Variants in ABI3BP observed in about 807,000 individuals in gnomAD.
ABI3BP encodes ABI family member 3 binding protein, also known as target of Nesh-SH3.
ABI3BP carries 216 observed loss-of-function variants against 268.6 expected under a neutral mutation model. The ratio of observed to expected loss-of-function variants is 0.80; its 90% CI spans 0.72 to 0.90. The LOEUF is 0.90. Among genes scored for constraint, ABI3BP ranks in the 40% least tolerant of loss-of-function variants. ABI3BP has a pLI of 0.00. For synonymous variants in ABI3BP, 730 were observed against 730.0 expected (o/e 1.00, Z 0.00); for missense variants, 2,090 against 2,182.4 (o/e 0.96, Z 0.84).
At chr3:100,931,986 T>C (rs1247463070) in intron 1 of ABI3BP, among the ~76,000 whole-genome samples, 10 of 151,960 alleles carry the variant, frequency 6.6e-5, no homozygotes, top group Admixed American at 1.3e-4. Flanking sequence ...CAAAACGGCA[T>C]GGTACTAGTA....
intron 59 of ABI3BP, 115 bp from the exon 60 acceptor site, chr3:100,775,450 G>T: frequency 1.5e-6 from 2 of 1,377,694 alleles, no homozygotes; most frequent in Non-Finnish European, 2.0e-6. Context: ...TGGCACTATA[G>T]ACCAGGCTTG....
At chr3:100,800,988 A>G (rs1311774369) in intron 51 of ABI3BP, among the ~76,000 whole-genome samples, 2 of 152,154 alleles carry the variant, frequency 1.3e-5, no homozygotes, top group Non-Finnish European at 2.9e-5. Flanking sequence ...AGTTATTGAT[A>G]TTATTCCTGT....
intron 14 of ABI3BP, among the ~76,000 whole-genome samples, chr3:100,852,184 G>A (rs1221992244): frequency 1.3e-5 from 2 of 152,122 alleles, no homozygotes; most frequent in East Asian, 1.9e-4. Flanking sequence ...GGCCTCCAGG[G>A]TGATGAGAAC....
At chr3:100,815,696 A>G (rs1383276963) in intron 44 of ABI3BP, among the ~76,000 whole-genome samples, 1 of 152,142 alleles carries the variant, frequency 6.6e-6, no homozygotes, top group Admixed American at 6.6e-5. Flanking sequence ...ATTTAAAGAG[A>G]GTTTCATGCT....
chr3:100,952,723 T>C (rs2075524530), intron 1 of ABI3BP: 1 of 152,076 alleles, frequency 6.6e-6, no homozygotes, highest in Non-Finnish European at 1.5e-5. Flanking sequence ...CGTGAAGTGT[T>C]CCATATTTTC....
At chr3:100,922,664 C>G (rs2060642907) in intron 2 of ABI3BP, among the ~76,000 whole-genome samples, 1 of 151,964 alleles carries the variant, frequency 6.6e-6, no homozygotes, top group African/African-American at 2.4e-5. Flanking sequence ...ATGCAGTAGC[C>G]TCTAAAAGCT....
intron 33 of ABI3BP, 115 bp downstream of exon 33, chr3:100,829,466 C>T (rs1004304895): frequency 2.1e-6 from 2 of 933,764 alleles, no homozygotes; most frequent in Non-Finnish European, 3.2e-6. Context: ...AGCCCTGTTC[C>T]TCATTGCCTA....
rs1020064203 is a variant in ABI3BP, at chr3:100,866,933, G to A, written c.934C>T (p.Pro312Ser). Residue 312 changes from proline (P) to serine (S), a missense_variant, in exon 10 of 68, where the codon CCT becomes TCT. Physicochemically the swap from Pro to Ser is moderately conservative, Grantham distance 74. Transcript: ENST00000471714. ...ACCTCTGGTGTTTTAGATTCGGCAG[G>A]TAATGCCAAGGTTTCATTCTTAGCT... is the stretch of plus-strand genomic sequence containing the variant. ...QLAKNETLAL[P>S]AESKTPEVEK... 7 of 1,613,732 alleles carry A rather than the reference G, an allele frequency of 4.3e-6. No homozygotes were observed. The highest frequency in any genetic ancestry group is 1.7e-5 in the Admixed American group (1 of 60,008).
At chr3:100,808,472 G>T (rs73152457) in intron 49 of ABI3BP, among the ~76,000 whole-genome samples, 21,036 of 152,032 alleles carry the variant, frequency 0.14, 1,888 homozygotes, top group South Asian at 0.27. Flanking sequence ...ACTTGGGATT[G>T]CAGAAATATT....
At chr3:100,808,776 G>GTTA (rs958431566) in intron 49 of ABI3BP, among the ~76,000 whole-genome samples, 1 of 152,026 alleles carries the variant, frequency 6.6e-6, no homozygotes, top group Non-Finnish European at 1.5e-5. Flanking sequence ...TCTATGGAGA[G>GTTA]TTATTCCTTT....
chr3:100,770,773 A>G lies in ABI3BP; in HGVS notation c.4711T>C (p.Trp1571Arg). 1 of 1,540,572 alleles carries G rather than the reference A, an allele frequency of 6.5e-7. No homozygotes were observed. ...EGCPSFVILD[W>R]EKPLNDTVTE... is the part of the protein sequence containing the mutation. Reference sequence around the variant, plus strand: ...ACAGTGTCATTTAGTGGCTTTTCCCAGTCCAAGATGACAAATGAGGGGCAC... The same window carrying G: ...ACAGTGTCATTTAGTGGCTTTTCCCGGTCCAAGATGACAAATGAGGGGCAC... The change falls in exon 62 of 68, where the codon TGG becomes CGG. Residue 1571 changes from tryptophan (W) to arginine (R), a missense_variant. Transcript: ENST00000471714.
chr3:100,858,175 A>C (rs2098959870), intron 14 of ABI3BP, among the ~76,000 whole-genome samples: 1 of 152,254 alleles, frequency 6.6e-6, no homozygotes, highest in African/African-American at 2.4e-5. Flanking sequence ...ATTCTGATAC[A>C]TAATTATAGA....
intron 1 of ABI3BP, among the ~76,000 whole-genome samples, chr3:100,933,698 A>G (rs888310276): frequency 3.3e-5 from 5 of 151,644 alleles, no homozygotes; most frequent in African/African-American, 1.2e-4. Flanking sequence ...CTATTCAATA[A>G]AAAGAAAGAA....
chr3:100,939,058 A>G (rs889832720), intron 1 of ABI3BP, among the ~76,000 whole-genome samples: 7 of 152,206 alleles, frequency 4.6e-5, no homozygotes, highest in South Asian at 2.1e-4. Flanking sequence ...CCAACTACCA[A>G]TTCCATATAT....
At chr3:100,838,594 G>T in intron 24 of ABI3BP, 130 bp from the exon 25 acceptor site, 2 of 769,792 alleles carry the variant, frequency 2.6e-6, no homozygotes, top group Non-Finnish European at 2.1e-6. Flanking sequence ...GTGTGGGAAG[G>T]GTGAAAAGAG....
intron 2 of ABI3BP, among the ~76,000 whole-genome samples, chr3:100,913,351 A>C (rs527580464): frequency 2.6e-5 from 4 of 152,296 alleles, no homozygotes; most frequent in South Asian, 4.1e-4. Flanking sequence ...CGACTACAGA[A>C]AACCTGCCCA....
At position 100,929,545 on chromosome 3, in the gene ABI3BP, C is replaced by T. The variant is rs183700047; in HGVS notation, c.80-3064G>A. ...TAAAATGTTCTGAAAGAGAAAAATA[C>T]ATACAGACAAATCTCATCTCAACAC... is the stretch of plus-strand genomic sequence containing the variant. On this transcript the variant is annotated intron_variant, in intron 1 of 67. Coordinates refer to ENST00000471714, the MANE Select transcript of ABI3BP (RefSeq NM_001375547.2). 2.3e-3 allele frequency among the ~76,000 whole-genome samples: 344 copies of T among 152,150 alleles called. 7 individuals are homozygous for T. Among genetic ancestry groups the T allele is most frequent in the Non-Finnish European group, 2.9e-4 (20 of 67,946 alleles).
intron 4 of ABI3BP, among the ~76,000 whole-genome samples, chr3:100,897,921 C>G (rs944420854): frequency 6.6e-6 from 1 of 152,052 alleles, no homozygotes; most frequent in African/African-American, 2.4e-5. Flanking sequence ...TTTCTAGATG[C>G]AAGTTTCTGA....
At chr3:100,890,433 T>TTC (rs1194478527) in intron 4 of ABI3BP, among the ~76,000 whole-genome samples, 4 of 152,162 alleles carry the variant, frequency 2.6e-5, no homozygotes, top group Non-Finnish European at 5.9e-5. Flanking sequence ...CATTCTCATC[T>TTC]TCTCAAAGAT....
Sources: allele counts gnomAD v4.1 joint callset (sites outside exome capture counted in the v4.1 genomes callset), GRCh38; gene constraint gnomAD v4.1.1; transcripts MANE v1.5; gene names NCBI Gene and HGNC (gene_info 2026-07-23, HGNC 2026-07-21).